The following CCDC7 variants were observed in gnomAD, a reference collection of about 807,000 sequenced individuals.
CCDC7 encodes the protein coiled-coil domain-containing protein 7.
Under a neutral mutation model 196.9 loss-of-function variants are expected in CCDC7, and 183 were observed. That is an observed-to-expected ratio of 0.93 (90% CI 0.82 to 1.05). The LOEUF is 1.05. CCDC7 is among the 50% of genes least tolerant of loss of function. The pLI is 0.00. For synonymous variants in CCDC7, 525 were observed against 484.6 expected (o/e 1.08, Z -1.10); for missense variants, 1,540 against 1,482.2 (o/e 1.04, Z -0.64).
At chr10:32,662,240 T>C (rs2071635661) in intron 20 of CCDC7, among the ~76,000 whole-genome samples, 1 of 152,166 alleles carries the variant, frequency 6.6e-6, no homozygotes, top group Non-Finnish European at 1.5e-5. Flanking sequence ...GGGGGAGGGA[T>C]GGCATTAGCA....
chr10:32,843,032 A>G (rs2093068384), intron 33 of CCDC7, among the ~76,000 whole-genome samples: 2 of 152,016 alleles, frequency 1.3e-5, no homozygotes, highest in South Asian at 4.1e-4. Context: ...ACAAATCACC[A>G]CTAAAGAACT....
At chr10:32,457,735 G>A (rs1218983800) in intron 3 of CCDC7, among the ~76,000 whole-genome samples, 1 of 152,098 alleles carries the variant, frequency 6.6e-6, no homozygotes, top group Non-Finnish European at 1.5e-5. Context: ...TAACTGAGGT[G>A]AGATGATATC....
intron 13 of CCDC7, among the ~76,000 whole-genome samples, chr10:32,565,034 G>T (rs1050564934): frequency 3.3e-5 from 5 of 152,096 alleles, no homozygotes; most frequent in African/African-American, 1.2e-4. Context: ...TTCTCCTATT[G>T]TTGATACTTG....
intron 13 of CCDC7, among the ~76,000 whole-genome samples, chr10:32,552,952 T>G (rs2053713135): frequency 6.6e-6 from 1 of 152,180 alleles, no homozygotes. Flanking sequence ...CTTCTTGTAT[T>G]TAGATGTCTA....
downstream of CCDC7, among the ~76,000 whole-genome samples, chr10:32,879,424 C>CG (rs751075930): frequency 8.6e-5 from 13 of 151,984 alleles, no homozygotes; most frequent in Non-Finnish European, 1.5e-4. Context: ...GGTCGTTGCT[C>CG]GGGGCGATGT....
intron 28 of CCDC7, among the ~76,000 whole-genome samples, chr10:32,761,902 A>T (rs1271658153): frequency 2.0e-5 from 3 of 151,996 alleles, no homozygotes; most frequent in African/African-American, 7.2e-5. Flanking sequence ...AACATGGTGG[A>T]ATAGGAGGTT....
intron 14 of CCDC7, among the ~76,000 whole-genome samples, chr10:32,565,985 T>C (rs1436879144): frequency 3.3e-5 from 5 of 152,154 alleles, no homozygotes; most frequent in Non-Finnish European, 7.4e-5. Context: ...TTAAACTCAG[T>C]TGAACCAAGA....
At chr10:32,570,759 G>T (rs1398890674) in intron 15 of CCDC7, among the ~76,000 whole-genome samples, 2 of 152,038 alleles carry the variant, frequency 1.3e-5, no homozygotes, top group African/African-American at 4.8e-5. Context: ...AACTACAGGG[G>T]GAATTAACAA....
chr10:32,709,498 C>A (rs1394120547), intron 24 of CCDC7, among the ~76,000 whole-genome samples: 1 of 151,920 alleles, frequency 6.6e-6, no homozygotes, highest in East Asian at 1.9e-4. Flanking sequence ...GAAAACTAAC[C>A]ATAAAAATAA....
intron 18 of CCDC7, among the ~76,000 whole-genome samples, chr10:32,621,576 G>C (rs12413262): frequency 0.11 from 15,986 of 152,158 alleles, 1,035 homozygotes; most frequent in South Asian, 0.25. Flanking sequence ...ATCTGGGAAA[G>C]GCCATAGTGT....
intron 24 of CCDC7, among the ~76,000 whole-genome samples, chr10:32,709,614 A>T (rs183776556): frequency 1.7e-3 from 265 of 152,238 alleles, no homozygotes; most frequent in Middle Eastern, 0.014. Context: ...AGTAATGTGA[A>T]TGATGGGGAG....
intron 17 of CCDC7, among the ~76,000 whole-genome samples, chr10:32,583,759 G>T (rs1049982841): frequency 2.0e-5 from 3 of 151,932 alleles, no homozygotes; most frequent in African/African-American, 7.2e-5. Context: ...GAAATTCTCA[G>T]GGCAAAAATG....
At chr10:32,553,392 A>G (rs1359903723) in intron 13 of CCDC7, among the ~76,000 whole-genome samples, 2 of 150,796 alleles carry the variant, frequency 1.3e-5, no homozygotes, top group Non-Finnish European at 3.0e-5. Flanking sequence ...TTAATAACTA[A>G]CCTCCGGAAT....
chr10:32,586,586 T>C (rs2059301979), intron 18 of CCDC7, among the ~76,000 whole-genome samples: 1 of 152,228 alleles, frequency 6.6e-6, no homozygotes, highest in African/African-American at 2.4e-5. Flanking sequence ...TTCAGTTTTC[T>C]GCATATGGCT....
chr10:32,741,293 T>C lies in CCDC7; in HGVS notation c.2905+11836T>C, dbSNP rs547937234. Among the ~76,000 whole-genome samples, 10 of 152,312 alleles carry C rather than the reference T, an allele frequency of 6.6e-5. No homozygotes were observed. In the East Asian group the frequency reaches 1.5e-3, roughly 23 times the overall value. On this transcript the variant is annotated intron_variant, in intron 28 of 41. Transcript: ENST00000639629. ...AAAACTCAATCTCAAACTAAGAACT[T>C]GGAGCCACCAAAACAGATAGTCTTT...
chr10:32,874,272 G>T (rs2094527846), intron 41 of CCDC7, among the ~76,000 whole-genome samples: 1 of 151,114 alleles, frequency 6.6e-6, no homozygotes, highest in South Asian at 2.1e-4. Flanking sequence ...CATCTTTTCT[G>T]CAACTAAACT....
At chr10:32,715,874 G>C (rs1158782812) in intron 25 of CCDC7, among the ~76,000 whole-genome samples, 4 of 152,024 alleles carry the variant, frequency 2.6e-5, no homozygotes, top group Non-Finnish European at 5.9e-5. Flanking sequence ...AAGGAACCAA[G>C]AAAGCCTCTA....
chr10:32,463,233 A>G (rs1282824166), intron 5 of CCDC7, among the ~76,000 whole-genome samples, 184 bp downstream of exon 6: 1 of 152,132 alleles, frequency 6.6e-6, no homozygotes, highest in Non-Finnish European at 1.5e-5. Flanking sequence ...AGTGACCTAC[A>G]CCCTATATCC....
chr10:32,715,515 C>T (rs553478360), intron 25 of CCDC7, among the ~76,000 whole-genome samples: 8 of 152,092 alleles, frequency 5.3e-5, no homozygotes, highest in Non-Finnish European at 1.2e-4. Flanking sequence ...CACAACTCCT[C>T]GTCAGCAAGG....
Sources: allele counts gnomAD v4.1 joint callset (sites outside exome capture counted in the v4.1 genomes callset), GRCh38; gene constraint gnomAD v4.1.1; transcripts MANE v1.5; gene names NCBI Gene and HGNC (gene_info 2026-07-23, HGNC 2026-07-21).